The following LRRC58 variants were observed in gnomAD, a reference collection of about 807,000 sequenced individuals.
LRRC58 encodes the protein leucine rich repeat containing 58, also known as leucine-rich repeat-containing protein 58.
LRRC58 carries 18 observed loss-of-function variants against 30.6 expected under a neutral mutation model. The ratio of observed to expected loss-of-function variants is 0.59; its 90% confidence interval spans 0.41 to 0.87. LRRC58 has a LOEUF of 0.87. LRRC58 is among the 40% of genes least tolerant of loss of function. The probability of loss-of-function intolerance (pLI) is 0.00; values close to 1 mark genes in which losing one functional copy is unlikely to be tolerated. For missense variants in LRRC58, 420 were observed against 468.4 expected (o/e 0.90, Z 0.95); for synonymous variants, 221 against 206.0 (o/e 1.07, Z -0.62).
intron 1 of LRRC58, among the ~76,000 whole-genome samples, chr3:120,343,030 T>C (rs1935923612): frequency 6.6e-6 from 1 of 152,258 alleles, no homozygotes; most frequent in Admixed American, 6.5e-5. Context: ...TGCTACTTGA[T>C]GTCTTCTTTC....
At chr3:120,336,471 G>C (rs1309114939) in intron 1 of LRRC58, among the ~76,000 whole-genome samples, 1 of 152,176 alleles carries the variant, frequency 6.6e-6, no homozygotes, top group African/African-American at 2.4e-5. Flanking sequence ...AGGTTGTAGA[G>C]AGACCAGATT....
rs908033061 is a variant in LRRC58 at position 120,330,291 on chromosome 3, T to C, written c.*909A>G. On this transcript the variant is annotated 3_prime_UTR_variant, in exon 4 of 4. Coordinates refer to ENST00000295628, the MANE Select transcript of LRRC58 (RefSeq NM_001099678.2). ...CTTATGATGAACAGATTGATGAAGA[T>C]TGTGGCCTACCATTAAGTGTAAAAG... The C allele has an allele frequency of 2.0e-5, 3 of 152,092 alleles. No individual in the cohort carries two copies. The highest frequency in any genetic ancestry group is 4.8e-5 in the African/African-American group (2 of 41,448). 9.4% of individuals were successfully genotyped at this position (152,092 alleles called of 1,614,324 possible). A position where few individuals can be genotyped will look rare whatever the true frequency, so the allele number is the denominator to read the frequency against.
At position 120,335,901 on chromosome 3, in the gene LRRC58, A is replaced by G; in HGVS notation, c.553T>C (p.Leu185=). 4 of 1,601,174 alleles carry G rather than the reference A, an allele frequency of 2.5e-6. No homozygotes were observed. The highest frequency in any genetic ancestry group is 3.4e-6 in the Non-Finnish European group (4 of 1,168,626). ...TAATTCAGAGAAGGCAGATTTCCTA[A>G]TTCTGGTGGGATTTCTTTAATGAAA... ...GNFIKEIPPE[L]GNLPSLNYLV... is the part of the protein sequence containing the mutation. The change falls in exon 2 of 4, where the codon TTA becomes CTA. Residue 185 remains leucine, a synonymous_variant. Coordinates refer to ENST00000295628, the MANE Select transcript of LRRC58 (RefSeq NM_001099678.2).
At chr3:120,344,878 CCTA>C (rs1294785234) in intron 1 of LRRC58, among the ~76,000 whole-genome samples, 1 of 152,030 alleles carries the variant, frequency 6.6e-6, no homozygotes. Flanking sequence ...ATGAATTATA[CCTA>C]CTTTTTCAGC....
rs532336348 is a variant in LRRC58 at position 120,338,857 on chromosome 3, T to G, written c.501-2904A>C. Among the ~76,000 whole-genome samples the G allele has an allele frequency of 2.6e-5, 4 of 152,304 alleles. No individual in the cohort carries two copies. In the East Asian group the frequency reaches 7.7e-4, roughly 29 times the overall value. On this transcript the variant is annotated intron_variant, in intron 1 of 3. Coordinates refer to ENST00000295628, the MANE Select transcript of LRRC58 (RefSeq NM_001099678.2). ...TTGACTTACTCTTTAGAAGGATCAC[T>G]TTGGCTATTGAGTGGCAAACAACTG... is the stretch of plus-strand genomic sequence containing the variant.
chr3:120,331,767 C>A (rs1339904151), intron 3 of LRRC58, among the ~76,000 whole-genome samples: 5 of 152,122 alleles, frequency 3.3e-5, no homozygotes, highest in African/African-American at 9.7e-5. Flanking sequence ...ACCCTACAGT[C>A]ACAGACTAAA....
rs931734499 is a variant in LRRC58 at position 120,326,562 on chromosome 3, T to C, written c.*4638A>G. 6.6e-6 allele frequency: 1 copy of C among 152,244 alleles called. No homozygotes were observed. The highest frequency in any genetic ancestry group is 2.4e-5 in the African/African-American group (1 of 41,468). The allele number at this position is 152,244 out of a possible 1,614,324, so 9.4% of individuals were successfully genotyped here. A position where few individuals can be genotyped will look rare whatever the true frequency, so the allele number is the denominator to read the frequency against. ...TTCAATACAGAAGGAATCAGAAATG[T>C]ATTATAGGTCACATTGAATAAAAAT... On this transcript the variant is annotated 3_prime_UTR_variant, in exon 4 of 4. Coordinates refer to ENST00000295628, the MANE Select transcript of LRRC58 (RefSeq NM_001099678.2).
intron 1 of LRRC58, among the ~76,000 whole-genome samples, chr3:120,336,918 A>AT (rs917909427): frequency 2.0e-5 from 3 of 150,632 alleles, no homozygotes; most frequent in Non-Finnish European, 4.4e-5. Flanking sequence ...ACACATACAG[A>AT]TTTTTTCTCC....
intron 2 of LRRC58, 106 bp downstream of exon 2, chr3:120,335,719 G>A: frequency 1.0e-6 from 1 of 992,672 alleles, no homozygotes; most frequent in East Asian, 2.5e-5. Flanking sequence ...CACTTACTTT[G>A]AGAATATCTA....
Position 120,349,193 on chromosome 3 carries a change from G to C in LRRC58, c.51C>G (p.Asn17Lys). The C allele has an allele frequency of 6.8e-7, 1 of 1,465,046 alleles. No individual in the cohort carries two copies. The highest frequency in any genetic ancestry group is 9.0e-7 in the Non-Finnish European group (1 of 1,114,490). 90.8% of individuals were successfully genotyped at this position (1,465,046 alleles called of 1,614,324 possible). ...AVVTAGEAELNWSRLSVSTET... is the reference protein window; with the variant it reads ...AVVTAGEAELKWSRLSVSTET... The stretch of plus-strand genomic sequence containing the variant: ...CGGTGGACACGCTGAGGCGGGACCA[G>C]TTCAGTTCGGCCTCCCCGGCCGTGA... Residue 17 changes from asparagine to lysine, a missense_variant, in exon 1 of 4, where the codon AAC becomes AAG. By Grantham distance (94) the Asn-to-Lys change is moderately conservative. Coordinates refer to ENST00000295628, the MANE Select transcript of LRRC58 (RefSeq NM_001099678.2).
chr3:120,325,236 G>C lies in LRRC58; in HGVS notation c.*5964C>G, dbSNP rs1935656839. 6.6e-6 allele frequency: 1 copy of C among 152,176 alleles called. No individual in the cohort carries two copies. Among genetic ancestry groups the C allele is most frequent in the African/African-American group, 2.4e-5 (1 of 41,446 alleles). 9.4% of individuals were successfully genotyped at this position (152,176 alleles called of 1,614,324 possible). On this transcript the variant is annotated 3_prime_UTR_variant, in exon 4 of 4. Coordinates refer to ENST00000295628, the MANE Select transcript of LRRC58 (RefSeq NM_001099678.2). ...AGGATTCTCTTAAACATAAGCGGTAGACATAATTAACCAATTTAGTCATGT... is the reference window on the plus strand; with the variant it reads ...AGGATTCTCTTAAACATAAGCGGTACACATAATTAACCAATTTAGTCATGT...
intron 1 of LRRC58, among the ~76,000 whole-genome samples, chr3:120,339,395 T>C (rs1242158881): frequency 6.6e-6 from 1 of 152,242 alleles, no homozygotes; most frequent in East Asian, 1.9e-4. Context: ...CAATATGTTT[T>C]ACCAATTTTA....
Position 120,335,099 on chromosome 3 carries a change from G to T in LRRC58, c.670C>A (p.Leu224Met), listed in dbSNP as rs551626225. 7 of 1,613,798 alleles carry T rather than the reference G, an allele frequency of 4.3e-6. No individual in the cohort carries two copies. The highest frequency in any genetic ancestry group is 5.9e-6 in the Non-Finnish European group (7 of 1,179,748). Residue 224 changes from leucine to methionine, a missense_variant, in exon 3 of 4, where the codon CTG becomes ATG. Leu to Met is a conservative substitution (Grantham distance 15). Coordinates refer to ENST00000295628, the MANE Select transcript of LRRC58 (RefSeq NM_001099678.2). ...AGGATCTCTCGAGGCAGATATGTCA[G>T]CAAGTTATTGTGAAGACTTAGGGAA... Reference protein sequence around the residue: ...LRSLSLHNNLLTYLPREILNL... With the variant: ...LRSLSLHNNLMTYLPREILNL...
intron 1 of LRRC58, among the ~76,000 whole-genome samples, chr3:120,346,828 C>T (rs1336771732): frequency 6.6e-6 from 1 of 152,190 alleles, no homozygotes; most frequent in African/African-American, 2.4e-5. Context: ...AAATCTCTAT[C>T]TCTTCACCCT....
chr3:120,346,547 AT>A (rs1195219160), intron 1 of LRRC58, among the ~76,000 whole-genome samples: 1 of 152,204 alleles, frequency 6.6e-6, no homozygotes, highest in Admixed American at 6.5e-5. Context: ...GATCTACTGC[AT>A]TGTAAGTATT....
Position 120,327,557 on chromosome 3 carries a change from ATTTC to A in LRRC58, c.*3639_*3642del, listed in dbSNP as rs963295229. On this transcript the variant is annotated 3_prime_UTR_variant, in exon 4 of 4. Coordinates refer to ENST00000295628, the MANE Select transcript of LRRC58 (RefSeq NM_001099678.2). ...GCGTGAGCCACCACGCCCGGCCAAG[ATTTC>A]TTTAACACTCCAGCAATCAGCCTCT... 1 of 152,112 alleles carries A rather than the reference ATTTC, an allele frequency of 6.6e-6. No individual in the cohort carries two copies. Among genetic ancestry groups the A allele is most frequent in the Admixed American group, 6.6e-5 (1 of 15,254 alleles). 9.4% of individuals were successfully genotyped at this position (152,112 alleles called of 1,614,324 possible).
rs796116731 is a variant in LRRC58 at position 120,347,379 on chromosome 3, C to CTTTTTTTTTTTTTTTTTTTTTTTTTTTTT, written c.500+1364_500+1365insAAAAAAAAAAAAAAAAAAAAAAAAAAAAA. ...AGTTCTTTTTTCCCAGGCCAATATTCTTTTTTTTTTTTTTTTTTTTTTTGA... is the reference window on the plus strand; with the variant it reads ...AGTTCTTTTTTCCCAGGCCAATATTCTTTTTTTTTTTTTTTTTTTTTTTTTTTTTTTTTTTTTTTTTTTTTTTTTTTTGA... On this transcript the variant is annotated intron_variant, in intron 1 of 3. Coordinates refer to ENST00000295628, the MANE Select transcript of LRRC58 (RefSeq NM_001099678.2). Among the ~76,000 whole-genome samples the CTTTTTTTTTTTTTTTTTTTTTTTTTTTTT allele has an allele frequency of 3.3e-4, 18 of 54,850 alleles. 6 individuals carry two copies. The highest frequency in any genetic ancestry group is 3.3e-4 in the African/African-American group (5 of 15,168). The allele number at this position is 54,850 out of a possible 152,430, so 36.0% of individuals were successfully genotyped here. A position where few individuals can be genotyped will look rare whatever the true frequency, so the allele number is the denominator to read the frequency against.
At position 120,327,111 on chromosome 3, in the gene LRRC58, T is replaced by C. The variant is rs1467927618; in HGVS notation, c.*4089A>G. 2 of 152,214 alleles carry C rather than the reference T, an allele frequency of 1.3e-5. No homozygotes were observed. Among genetic ancestry groups the C allele is most frequent in the Admixed American group, 6.5e-5 (1 of 15,280 alleles). The allele number at this position is 152,214 out of a possible 1,614,324, so 9.4% of individuals were successfully genotyped here. A position where few individuals can be genotyped will look rare whatever the true frequency, so the allele number is the denominator to read the frequency against. On this transcript the variant is annotated 3_prime_UTR_variant, in exon 4 of 4. Coordinates refer to ENST00000295628, the MANE Select transcript of LRRC58 (RefSeq NM_001099678.2). ...TGAACAAATTTGGTGATAAAGGTTT[T>C]TGGATGGTAGTCAGTAGGCCACTCA...
At chr3:120,339,262 A>G (rs1935873683) in intron 1 of LRRC58, among the ~76,000 whole-genome samples, 1 of 152,140 alleles carries the variant, frequency 6.6e-6, no homozygotes, top group African/African-American at 2.4e-5. Flanking sequence ...GTACTCTCTC[A>G]GTCTCAAACA....
Sources: gnomAD v4.1 joint callset for allele counts (sites outside exome capture counted in the v4.1 genomes callset) on GRCh38, gnomAD v4.1.1 for gene constraint, MANE v1.5 for transcripts, NCBI Gene and HGNC (gene_info 2026-07-23, HGNC 2026-07-21) for gene names.